Variants in MCF2L observed in about 807,000 individuals in gnomAD.
The protein encoded by MCF2L is guanine nucleotide exchange factor DBS.
Under a neutral mutation model 153.4 loss-of-function variants are expected in MCF2L, and 97 were observed. The ratio of observed to expected loss-of-function variants is 0.63; its 90% CI spans 0.54 to 0.75. The LOEUF (loss-of-function observed/expected upper bound fraction) is 0.75. MCF2L is among the 30% of genes least tolerant of loss of function. The probability of loss-of-function intolerance (pLI) is 0.00; values close to 1 mark genes in which losing one functional copy is unlikely to be tolerated. For synonymous variants in MCF2L, 659 were observed against 632.2 expected (o/e 1.04, Z -0.64); for missense variants, 1,347 against 1,495.2 (o/e 0.90, Z 1.64).
At chr13:112,974,262 C>T (rs922603985) in intron 1 of MCF2L, among the ~76,000 whole-genome samples, 2 of 152,188 alleles carry the variant, frequency 1.3e-5, no homozygotes, top group African/African-American at 2.4e-5. Context: ...CAAAGGCACC[C>T]GGGCATGGCT....
Position 112,992,679 on chromosome 13 carries a change from G to A in MCF2L, c.80-22084G>A, listed in dbSNP as rs544058950. On this transcript the variant is annotated intron_variant, in intron 1 of 29. Coordinates refer to ENST00000535094, the MANE Select transcript of MCF2L (RefSeq NM_001112732.3). ...AGCCCAGTCTCGTTTTTGTGAAATG[G>A]ACACTGAATATTCTAGCTGGGGAAA... is the stretch of plus-strand genomic sequence containing the variant. 5.1e-4 allele frequency among the ~76,000 whole-genome samples: 78 copies of A among 152,322 alleles called. 1 individual carries two copies. Among genetic ancestry groups the A allele is most frequent in the South Asian group, 8.3e-4 (4 of 4,822 alleles).
intron 1 of MCF2L, chr13:113,002,054 CG>C: frequency 7.1e-7 from 1 of 1,399,492 alleles, no homozygotes; most frequent in Non-Finnish European, 9.3e-7. Flanking sequence ...GGACGCCGGG[CG>C]GGGGTGGACG....
At chr13:113,048,480 G>A (rs1227076172) in intron 4 of MCF2L, among the ~76,000 whole-genome samples, 2 of 113,120 alleles carry the variant, frequency 1.8e-5, no homozygotes, top group South Asian at 3.0e-4. Context: ...TCATTCTTTC[G>A]CCCAGGCCGG....
At chr13:113,022,658 C>G (rs963610660) in intron 2 of MCF2L, among the ~76,000 whole-genome samples, 4 of 152,246 alleles carry the variant, frequency 2.6e-5, no homozygotes, top group Admixed American at 6.5e-5. Flanking sequence ...CGGCAGAACA[C>G]TCTTACCTTT....
At chr13:113,047,483 C>T (rs532399151) in intron 4 of MCF2L, 1 of 152,420 alleles carries the variant, frequency 6.6e-6, no homozygotes, top group East Asian at 1.9e-4. Context: ...AAGCACCCAT[C>T]CGTCCTGGGC....
intron 1 of MCF2L, among the ~76,000 whole-genome samples, chr13:112,900,290 C>T (rs923813100): frequency 9.9e-5 from 15 of 152,224 alleles, no homozygotes; most frequent in African/African-American, 1.4e-4. Flanking sequence ...GTGCCCCTCC[C>T]GGACCTTTCT....
chr13:113,049,957 A>G (rs1270615736), intron 4 of MCF2L, among the ~76,000 whole-genome samples: 1 of 152,150 alleles, frequency 6.6e-6, no homozygotes, highest in Non-Finnish European at 1.5e-5. Context: ...CCCAATCGAG[A>G]GCAAGACCCA....
chr13:113,007,089 C>T (rs752958175), intron 1 of MCF2L, among the ~76,000 whole-genome samples: 1 of 152,150 alleles, frequency 6.6e-6, no homozygotes, highest in Non-Finnish European at 1.5e-5. Flanking sequence ...TCTGGTCCCT[C>T]TGCCCCTTGA....
At chr13:112,915,423 A>AAAAAAAAAAAAAAAAAAAAAAAAAAC (rs1444673708) in intron 2 of MCF2L, among the ~76,000 whole-genome samples, 4 of 150,312 alleles carry the variant, frequency 2.7e-5, no homozygotes, top group Admixed American at 6.6e-5. Context: ...AAAAAAAAAA[A>AAAAAAAAAAAAAAAAAAAAAAAAAAC]AATCCATCCT....
At chr13:113,030,653 C>T (rs1285905021) in intron 3 of MCF2L, among the ~76,000 whole-genome samples, 1 of 152,224 alleles carries the variant, frequency 6.6e-6, no homozygotes, top group Non-Finnish European at 1.5e-5. Context: ...AGGTGTGGGC[C>T]CTCGTTCGTC....
rs183135758 is a variant in MCF2L at position 112,926,339 on chromosome 13, A to G, written c.169+23968A>G. ...CGGAGTGCAGTACGGCCTGGTCTACATACACAACGGAGTGCTGCACGGCCT... is the reference window on the plus strand; with the variant it reads ...CGGAGTGCAGTACGGCCTGGTCTACGTACACAACGGAGTGCTGCACGGCCT... On this transcript the variant is annotated intron_variant, in intron 2 of 29. Transcript: ENST00000375608. Among the ~76,000 whole-genome samples, 123 of 152,010 alleles carry G rather than the reference A, an allele frequency of 8.1e-4. 1 individual carries two copies. The highest frequency in any genetic ancestry group is 3.4e-3 in the Middle Eastern group (1 of 294).
At chr13:112,992,528 A>C (rs1213145789) in intron 1 of MCF2L, among the ~76,000 whole-genome samples, 1 of 152,228 alleles carries the variant, frequency 6.6e-6, no homozygotes, top group Non-Finnish European at 1.5e-5. Flanking sequence ...TGTGGTGGCC[A>C]CGTCTCATCC....
In MCF2L at chr13:113,085,710, AG is replaced by A. The variant is rs2034573358; in HGVS notation, c.2248-411del. Among the ~76,000 whole-genome samples the A allele has an allele frequency of 8.1e-5, 8 of 98,478 alleles. No homozygotes were observed. In the East Asian group the frequency reaches 2.0e-3, roughly 24 times the overall value. The allele number at this position is 98,478 out of a possible 152,430, so 64.6% of individuals were successfully genotyped here. A position where few individuals can be genotyped will look rare whatever the true frequency, so the allele number is the denominator to read the frequency against. On this transcript the variant is annotated intron_variant, in intron 20 of 29. Coordinates refer to ENST00000535094, the MANE Select transcript of MCF2L (RefSeq NM_001112732.3). ...GTGCGAGGGGTTTGCACCTGGCATC[AG>A]GGTGGCAGGAGGGAGCTCCCCGGGG... is the stretch of plus-strand genomic sequence containing the variant.
rs57030206 is a variant in MCF2L at position 112,923,257 on chromosome 13, C to CTTTTTTTTT, written c.169+20902_169+20910dup. On this transcript the variant is annotated intron_variant, in intron 2 of 29. Transcript: ENST00000375608. ...TCTCCATGAACTTCAGTGTTTGCTTCTTTTTTTTTTTTTTTTTTTTTTTTG... is the reference window on the plus strand; with the variant it reads ...TCTCCATGAACTTCAGTGTTTGCTTCTTTTTTTTTTTTTTTTTTTTTTTTTTTTTTTTTG... Among the ~76,000 whole-genome samples the CTTTTTTTTT allele has an allele frequency of 1.2e-3, 95 of 78,480 alleles. 4 individuals carry two copies. Among genetic ancestry groups the CTTTTTTTTT allele is most frequent in the South Asian group, 5.7e-3 (9 of 1,574 alleles). 51.5% of individuals were successfully genotyped at this position (78,480 alleles called of 152,430 possible). A position where few individuals can be genotyped will look rare whatever the true frequency, so the allele number is the denominator to read the frequency against.
intron 3 of MCF2L, among the ~76,000 whole-genome samples, chr13:113,033,260 G>A (rs2085873871): frequency 3.4e-5 from 3 of 89,160 alleles, no homozygotes; most frequent in African/African-American, 1.2e-4. Context: ...GACATTAGTG[G>A]ACCCCGTGGC....
At position 113,086,213 on chromosome 13, in the gene MCF2L, C is replaced by T. The variant is rs201172738; in HGVS notation, c.2337C>T (p.Asn779=). The change falls in exon 21 of 30, where the codon AAC becomes AAT. Residue 779 remains asparagine (N), a synonymous_variant. Transcript: ENST00000535094. ...TCCTGGGCATCCTGAAGGCCGTGAA[C>T]GACTCCATGCACCTCATCGCTATCA... ...SSILGILKAV[N]DSMHLIAITG... 31 of 1,610,548 alleles carry T rather than the reference C, an allele frequency of 1.9e-5. No homozygotes were observed. The highest frequency in any genetic ancestry group is 9.9e-5 in the South Asian group (9 of 90,718).
intron 1 of MCF2L, among the ~76,000 whole-genome samples, chr13:113,002,638 T>C (rs2083447972): frequency 6.6e-6 from 1 of 152,210 alleles, no homozygotes; most frequent in East Asian, 1.9e-4. Context: ...AATTGGAGCT[T>C]TGGGGCAAGG....
At chr13:113,079,808 AATGT>A (rs2033909866) in intron 15 of MCF2L, among the ~76,000 whole-genome samples, 4 of 144,898 alleles carry the variant, frequency 2.8e-5, no homozygotes, top group South Asian at 2.3e-4. Context: ...CAGGCAGAGG[AATGT>A]CTGAATGGAG....
chr13:112,960,184 A>G lies in MCF2L; in HGVS notation c.170-54579A>G, dbSNP rs898819301. 1.3e-5 allele frequency among the ~76,000 whole-genome samples: 2 copies of G among 152,216 alleles called. No individual in the cohort carries two copies. The highest frequency in any genetic ancestry group is 4.8e-5 in the African/African-American group (2 of 41,442). The stretch of plus-strand genomic sequence containing the variant: ...AAGTTTAGTTGGCTCATGGTCCTGG[A>G]GGCTTGGAAGCCCAAGATTGAGGGG... On this transcript the variant is annotated intron_variant, in intron 2 of 29. Transcript: ENST00000375608. The surrounding 1 kb of genome is among the most constrained non-coding windows in gnomAD (Gnocchi z 4.2).
Sources: gnomAD v4.1 joint callset for allele counts (sites outside exome capture counted in the v4.1 genomes callset) on GRCh38, gnomAD v4.1.1 for gene constraint, Gnocchi (gnomAD v3.1) non-coding constraint, MANE v1.5 for transcripts, NCBI Gene and HGNC (gene_info 2026-07-23, HGNC 2026-07-21) for gene names.